The following NBDY variants were observed in gnomAD, a reference collection of about 807,000 sequenced individuals.
The protein encoded by NBDY is negative regulator of P-body association.
At chrX:56,798,255 A>G in intron 2 of NBDY, among the ~76,000 whole-genome samples, 1 of 112,104 alleles carries the variant, frequency 8.9e-6, no homozygotes, top group Non-Finnish European at 1.9e-5. Flanking sequence ...TCCTGGGTCA[A>G]CCCGCTTAAA....
At chrX:56,803,911 C>G (rs962427726) in intron 2 of NBDY, among the ~76,000 whole-genome samples, 3 of 112,149 alleles carry the variant, frequency 2.7e-5, no homozygotes, top group Non-Finnish European at 5.6e-5. Flanking sequence ...TTTGGGGAAA[C>G]CTGCAACATG....
chrX:56,809,686 A>T (rs2069875037), intron 2 of NBDY, among the ~76,000 whole-genome samples: 1 of 111,911 alleles, frequency 8.9e-6, no homozygotes, highest in Non-Finnish European at 1.9e-5. Context: ...ACAGCACACC[A>T]ATGGGTCCTA....
chrX:56,742,256 G>A (rs1449655832), intron 2 of NBDY, among the ~76,000 whole-genome samples: 4 of 111,523 alleles, frequency 3.6e-5, no homozygotes, highest in Non-Finnish European at 7.6e-5. Flanking sequence ...TTTGAAGTCA[G>A]GTAATATGAT....
intron 2 of NBDY, among the ~76,000 whole-genome samples, chrX:56,749,511 C>T (rs1311345941): frequency 1.8e-5 from 2 of 111,433 alleles, no homozygotes; most frequent in South Asian, 3.8e-4. Flanking sequence ...CCTACAAAAA[C>T]GCTGCTCTTG....
rs1316673643 is a variant in NBDY at position 56,818,973 on chromosome X, G to A, written c.*1820G>A. On this transcript the variant is annotated 3_prime_UTR_variant, in exon 3 of 3. Transcript: ENST00000374922. ...TCAATAAATGGTACTGGGACAACTT[G>A]GTATCTACATGCAAAAAAAAAACAA... 1.1e-5 allele frequency: 1 copy of A among 87,202 alleles called. No homozygotes were observed. The allele number at this position is 87,202 out of a possible 1,213,427, so 7.2% of individuals were successfully genotyped here. A position where few individuals can be genotyped will look rare whatever the true frequency, so the allele number is the denominator to read the frequency against.
At chrX:56,813,868 G>A (rs1451025596) in intron 2 of NBDY, among the ~76,000 whole-genome samples, 1 of 111,744 alleles carries the variant, frequency 8.9e-6, no homozygotes, top group African/African-American at 3.3e-5. Flanking sequence ...TCATCACAAA[G>A]CTTCTTGGTT....
intron 2 of NBDY, among the ~76,000 whole-genome samples, chrX:56,805,977 C>T (rs1359737421): frequency 2.7e-5 from 3 of 110,842 alleles, no homozygotes; most frequent in African/African-American, 9.9e-5. Context: ...CCTAGCTCCC[C>T]ACCCCATGAC....
At chrX:56,738,842 A>T (rs1228916221) in intron 2 of NBDY, among the ~76,000 whole-genome samples, 1 of 111,150 alleles carries the variant, frequency 9.0e-6, no homozygotes, top group Admixed American at 9.6e-5. Flanking sequence ...GATAGGCACT[A>T]ATGAAGCATG....
chrX:56,792,381 C>T (rs778099177), intron 2 of NBDY, among the ~76,000 whole-genome samples: 2 of 111,232 alleles, frequency 1.8e-5, no homozygotes, highest in African/African-American at 3.3e-5. Context: ...GCCATGTGAA[C>T]ACATTGATCT....
intron 2 of NBDY, among the ~76,000 whole-genome samples, chrX:56,763,247 C>G (rs1252064285): frequency 8.9e-6 from 1 of 112,153 alleles, no homozygotes; most frequent in Non-Finnish European, 1.9e-5. Flanking sequence ...CCCTTGGGAG[C>G]CTTGGCCCTG....
chrX:56,787,735 A>T (rs183049448), intron 2 of NBDY, among the ~76,000 whole-genome samples: 10 of 111,692 alleles, frequency 9.0e-5, no homozygotes, highest in African/African-American at 2.9e-4. Context: ...CCCTCCTCTC[A>T]CCCTTGCCTG....
chrX:56,755,185 C>T (rs954962223), intron 2 of NBDY, among the ~76,000 whole-genome samples: 1 of 112,038 alleles, frequency 8.9e-6, no homozygotes, highest in Admixed American at 9.5e-5. Flanking sequence ...ACCATAAAAA[C>T]CCTAGAAGAA....
In NBDY at chrX:56,765,822, T is replaced by C. The variant is rs181270605; in HGVS notation, c.*166+33623T>C. 3.6e-5 allele frequency among the ~76,000 whole-genome samples: 4 copies of C among 110,529 alleles called. No homozygotes were observed. In the East Asian group the frequency reaches 1.1e-3, roughly 31 times the overall value. On this transcript the variant is annotated intron_variant, in intron 2 of 2. Coordinates refer to ENST00000374922, the MANE Select transcript of NBDY (RefSeq NM_001348129.2). Reference sequence around the variant, plus strand: ...CCCCTGCACTTCCTTCTCCTTTGCCTCTTTTTCTTTTTTTGCTTTTGCTTC... The same window carrying C: ...CCCCTGCACTTCCTTCTCCTTTGCCCCTTTTTCTTTTTTTGCTTTTGCTTC...
intron 2 of NBDY, among the ~76,000 whole-genome samples, chrX:56,810,431 G>A (rs183246540): frequency 2.7e-5 from 3 of 110,484 alleles, no homozygotes; most frequent in African/African-American, 9.9e-5. Flanking sequence ...ATATTTCTTG[G>A]AGGTTTTGCT....
chrX:56,814,254 G>A (rs1602671997), intron 2 of NBDY, among the ~76,000 whole-genome samples: 2 of 108,702 alleles, frequency 1.8e-5, no homozygotes, highest in East Asian at 5.8e-4. Context: ...AGTTGTTTTT[G>A]AGTGGTTATT....
In NBDY at chrX:56,817,429, T is replaced by C. The variant is rs2069915754; in HGVS notation, c.*276T>C. 1.8e-5 allele frequency: 2 copies of C among 112,080 alleles called. No homozygotes were observed. Among genetic ancestry groups the C allele is most frequent in the Admixed American group, 1.9e-4 (2 of 10,536 alleles). 9.2% of individuals were successfully genotyped at this position (112,080 alleles called of 1,213,427 possible). ...AGATTTAAGGCCATGCCCTGGATCA[T>C]GGTGAACTTACCAAAGCAAACAATG... On this transcript the variant is annotated 3_prime_UTR_variant, in exon 3 of 3. Coordinates refer to ENST00000374922, the MANE Select transcript of NBDY (RefSeq NM_001348129.2).
chrX:56,750,720 C>G (rs1393777686), intron 2 of NBDY, among the ~76,000 whole-genome samples: 2 of 111,802 alleles, frequency 1.8e-5, no homozygotes, highest in Admixed American at 1.9e-4. Flanking sequence ...CTTACCTCCA[C>G]TTTTTAATCT....
intron 2 of NBDY, among the ~76,000 whole-genome samples, chrX:56,794,067 C>T (rs975858194): frequency 6.2e-5 from 7 of 112,472 alleles, no homozygotes; most frequent in African/African-American, 1.9e-4. Flanking sequence ...CAGCTCCACC[C>T]TGTGGGTTGA....
chrX:56,736,596 C>A (rs1053091935), intron 2 of NBDY, among the ~76,000 whole-genome samples: 4 of 112,677 alleles, frequency 3.5e-5, no homozygotes, highest in Non-Finnish European at 7.5e-5. Flanking sequence ...TTAAAAATTA[C>A]CTTATAATCT....
Sources: gnomAD v4.1 joint callset for allele counts (sites outside exome capture counted in the v4.1 genomes callset) on GRCh38, gnomAD v4.1.1 for gene constraint, MANE v1.5 for transcripts, NCBI Gene and HGNC (gene_info 2026-07-23, HGNC 2026-07-21) for gene names.